The following TMEM132C variants were observed in gnomAD, a reference collection of about 807,000 sequenced individuals.
The protein encoded by TMEM132C is protein phosphatase 1, regulatory subunit 152.
TMEM132C carries 29 observed loss-of-function variants against 61.4 expected under a neutral mutation model. The ratio of observed to expected loss-of-function variants is 0.47; its 90% CI spans 0.35 to 0.64. TMEM132C has a LOEUF of 0.64. Ranked by LOEUF, TMEM132C falls within the 30% of genes least tolerant of loss-of-function variation. The probability of loss-of-function intolerance (pLI) is 0.00; values close to 1 mark genes in which losing one functional copy is unlikely to be tolerated. For synonymous variants in TMEM132C, 656 were observed against 633.1 expected (o/e 1.04, Z -0.54); for missense variants, 1,408 against 1,476.9 (o/e 0.95, Z 0.76).
intron 4 of TMEM132C, among the ~76,000 whole-genome samples, chr12:128,641,556 T>C (rs1208392390): frequency 1.3e-5 from 2 of 152,106 alleles, no homozygotes. Context: ...GTGAGGTTGC[T>C]GCAAGCCAAG....
At chr12:128,477,253 C>G (rs1180028396) in intron 2 of TMEM132C, among the ~76,000 whole-genome samples, 1 of 152,166 alleles carries the variant, frequency 6.6e-6, no homozygotes, top group Non-Finnish European at 1.5e-5. Context: ...GGTAGATGCA[C>G]TTTGCACTGT....
At chr12:128,412,161 A>G (rs939436515) in intron 1 of TMEM132C, among the ~76,000 whole-genome samples, 8 of 152,236 alleles carry the variant, frequency 5.3e-5, no homozygotes, top group Non-Finnish European at 1.2e-4. Flanking sequence ...CATTAATACA[A>G]TTAAGTTCAT....
intron 4 of TMEM132C, among the ~76,000 whole-genome samples, chr12:128,622,343 C>CAAAAAA (rs71069584): frequency 0.023 from 368 of 16,044 alleles, 40 homozygotes; most frequent in Middle Eastern, 0.062. Context: ...GACTTTGTCT[C>CAAAAAA]AAAAAAAAAA....
intron 4 of TMEM132C, among the ~76,000 whole-genome samples, chr12:128,644,863 G>A (rs2135601806): frequency 6.6e-6 from 1 of 152,290 alleles, no homozygotes; most frequent in South Asian, 2.1e-4. Context: ...TCCGCGACAG[G>A]TAAGATGTTT....
intron 3 of TMEM132C, among the ~76,000 whole-genome samples, chr12:128,568,629 G>A (rs1486803486): frequency 1.3e-5 from 2 of 152,176 alleles, no homozygotes; most frequent in African/African-American, 2.4e-5. Context: ...TCACACAGCT[G>A]GCAAGTGGCA....
At chr12:128,531,846 C>T (rs1873320757) in intron 2 of TMEM132C, among the ~76,000 whole-genome samples, 1 of 152,132 alleles carries the variant, frequency 6.6e-6, no homozygotes, top group Admixed American at 6.5e-5. Flanking sequence ...CCTCACCCCA[C>T]TGGCAGGTCA....
intron 2 of TMEM132C, among the ~76,000 whole-genome samples, chr12:128,486,864 T>C (rs1406619373): frequency 7.1e-6 from 1 of 141,758 alleles, no homozygotes; most frequent in Non-Finnish European, 1.5e-5. Flanking sequence ...CTTGTAAACA[T>C]GTGTGCATGC....
Position 128,693,926 on chromosome 12 carries a change from C to G in TMEM132C, c.1547C>G (p.Pro516Arg). 6.4e-7 allele frequency: 1 copy of G among 1,551,736 alleles called. No homozygotes were observed. The highest frequency in any genetic ancestry group is 1.2e-5 in the South Asian group (1 of 84,062). The change falls in exon 6 of 9, where the codon CCC (proline) becomes CGC (arginine). Residue 516 changes from proline (P) to arginine (R), a missense_variant. Physicochemically the swap from Pro to Arg is moderately radical, Grantham distance 103. Coordinates refer to ENST00000435159, the MANE Select transcript of TMEM132C (RefSeq NM_001136103.3). ...VNFTYQYLSA[P>R]LCVTVWVPRL... is the part of the protein sequence containing the mutation. The stretch of plus-strand genomic sequence containing the variant: ...TTCACATACCAGTACCTGAGCGCCC[C>G]CCTGTGTGTCACCGTGTGGGTGCCC...
chr12:128,597,927 G>A (rs1273258383), intron 3 of TMEM132C, among the ~76,000 whole-genome samples: 2 of 152,168 alleles, frequency 1.3e-5, no homozygotes, highest in Non-Finnish European at 2.9e-5. Context: ...GGAGCAGGCA[G>A]AGGTCCCAGG....
In TMEM132C at chr12:128,368,050, C is replaced by T. The variant is rs576069705; in HGVS notation, c.86-46682C>T. Among the ~76,000 whole-genome samples the T allele has an allele frequency of 1.1e-4, 16 of 152,236 alleles. No homozygotes were observed. The South Asian group carries it at 2.5e-3, about 24-fold the overall frequency. On this transcript the variant is annotated intron_variant, in intron 1 of 8. Coordinates refer to ENST00000435159, the MANE Select transcript of TMEM132C (RefSeq NM_001136103.3). ...TCTGGCTTTATACATGGCAACTTTGCGTGAATTAGAAAAAGCTGATGCTTC... is the reference window on the plus strand; with the variant it reads ...TCTGGCTTTATACATGGCAACTTTGTGTGAATTAGAAAAAGCTGATGCTTC...
intron 4 of TMEM132C, among the ~76,000 whole-genome samples, chr12:128,625,485 C>T (rs1390043960): frequency 6.6e-6 from 1 of 152,172 alleles, no homozygotes; most frequent in Admixed American, 6.5e-5. Flanking sequence ...AATGGACTTA[C>T]AGTTCCACAT....
intron 2 of TMEM132C, among the ~76,000 whole-genome samples, chr12:128,535,117 C>T (rs1230615372): frequency 2.6e-5 from 4 of 152,162 alleles, no homozygotes; most frequent in African/African-American, 7.2e-5. Context: ...CTTTGATCTT[C>T]GTCCCTCAAG....
intron 1 of TMEM132C, among the ~76,000 whole-genome samples, chr12:128,340,912 C>CTCTT (rs1327703180): frequency 9.4e-6 from 1 of 106,926 alleles, no homozygotes; most frequent in Non-Finnish European, 1.9e-5. Context: ...CTTTCTCTCT[C>CTCTT]TCTTTCTCTC....
chr12:128,446,946 G>A (rs1213611170), intron 2 of TMEM132C, among the ~76,000 whole-genome samples: 1 of 152,312 alleles, frequency 6.6e-6, no homozygotes, highest in South Asian at 2.1e-4. Flanking sequence ...CTAGAGTAAG[G>A]TAGGAGAAAT....
intron 5 of TMEM132C, among the ~76,000 whole-genome samples, chr12:128,677,554 C>T (rs545720610): frequency 8.5e-5 from 13 of 152,172 alleles, no homozygotes; most frequent in Non-Finnish European, 1.6e-4. Flanking sequence ...TTATTAATGC[C>T]TGTACCTGGC....
At chr12:128,692,341 T>C (rs953890979) in intron 5 of TMEM132C, among the ~76,000 whole-genome samples, 14 of 152,238 alleles carry the variant, frequency 9.2e-5, no homozygotes, top group Non-Finnish European at 1.6e-4. Flanking sequence ...CATAAGCAGC[T>C]GAGGTAAGGA....
At chr12:128,697,551 A>G in intron 8 of TMEM132C, 136 bp downstream of exon 8, 3 of 919,078 alleles carry the variant, frequency 3.3e-6, no homozygotes, top group Non-Finnish European at 4.7e-6. Context: ...ATGTCATTGC[A>G]GACAAAGTGC....
At chr12:128,429,504 G>C (rs1869312888) in intron 2 of TMEM132C, among the ~76,000 whole-genome samples, 1 of 152,138 alleles carries the variant, frequency 6.6e-6, no homozygotes, top group Middle Eastern at 3.2e-3. Context: ...CTCTCTGCTG[G>C]GAACCTGGCA....
intron 5 of TMEM132C, among the ~76,000 whole-genome samples, chr12:128,674,017 C>T (rs191655982): frequency 6.6e-6 from 1 of 152,336 alleles, no homozygotes; most frequent in Admixed American, 6.5e-5. Context: ...GGATGCAACT[C>T]ACTTCAAATG....
Sources: allele counts gnomAD v4.1 joint callset (sites outside exome capture counted in the v4.1 genomes callset), GRCh38; gene constraint gnomAD v4.1.1; transcripts MANE v1.5; gene names NCBI Gene and HGNC (gene_info 2026-07-23, HGNC 2026-07-21).